The following FGF13 variants were observed in gnomAD, a reference collection of about 807,000 sequenced individuals.
FGF13 encodes the protein fibroblast growth factor 13.
A neutral mutation model predicts 19.5 loss-of-function variants in FGF13; 2 were observed. The observed-to-expected ratio is 0.10, with a 90% CI of 0.04 to 0.32. The LOEUF (loss-of-function observed/expected upper bound fraction) is 0.32, where lower values mean the gene tolerates loss of function less well. Ranked by LOEUF, FGF13 falls within the 10% of genes least tolerant of loss-of-function variation. FGF13 has a pLI of 1.00. For missense variants in FGF13, 113 were observed against 192.7 expected (o/e 0.59, Z 2.45); for synonymous variants, 72 against 76.9 (o/e 0.94, Z 0.33).
chrX:138,790,065 A>C (rs1420057189), intron 3 of FGF13, among the ~76,000 whole-genome samples: 2 of 96,198 alleles, frequency 2.1e-5, no homozygotes, highest in African/African-American at 3.8e-5. Context: ...AAAAAAAAAA[A>C]AAAAACAAAC....
chrX:138,903,117 C>T (rs2091540448), intron 1 of FGF13, among the ~76,000 whole-genome samples: 2 of 111,762 alleles, frequency 1.8e-5, no homozygotes, highest in African/African-American at 6.5e-5. Flanking sequence ...TTTCTAAATT[C>T]CCATTACTGA....
chrX:138,955,777 A>G (rs910214780), intron 1 of FGF13, among the ~76,000 whole-genome samples: 2 of 112,170 alleles, frequency 1.8e-5, no homozygotes, highest in African/African-American at 6.5e-5. Flanking sequence ...ACCCAAAGAA[A>G]CATCAGTCTT....
intron 1 of FGF13, among the ~76,000 whole-genome samples, chrX:139,164,621 C>T (rs1204227347): frequency 9.1e-6 from 1 of 109,621 alleles, no homozygotes; most frequent in Non-Finnish European, 1.9e-5. Flanking sequence ...GCCCAGGAGG[C>T]TGAGGCTGCA....
intron 3 of FGF13, among the ~76,000 whole-genome samples, chrX:138,849,408 A>T (rs746951233): frequency 1.2e-4 from 14 of 112,336 alleles, no homozygotes; most frequent in Non-Finnish European, 2.3e-4. Flanking sequence ...TGATCTGATA[A>T]CTATGTAAGA....
chrX:138,933,187 G>T (rs890252379), intron 1 of FGF13, among the ~76,000 whole-genome samples: 2 of 111,891 alleles, frequency 1.8e-5, no homozygotes, highest in African/African-American at 6.5e-5. Flanking sequence ...AGTCTGTGAG[G>T]TTACTGAGGG....
At chrX:138,992,970 T>G (rs2092024007) in intron 1 of FGF13, among the ~76,000 whole-genome samples, 1 of 112,177 alleles carries the variant, frequency 8.9e-6, no homozygotes, top group East Asian at 2.8e-4. Context: ...AGAGAAATTA[T>G]GTACCTCTTG....
chrX:138,949,813 G>C (rs984439858), intron 1 of FGF13, among the ~76,000 whole-genome samples: 3 of 111,786 alleles, frequency 2.7e-5, no homozygotes, highest in Non-Finnish European at 5.6e-5. Context: ...TATATAATCA[G>C]GTTGAGACCA....
chrX:139,147,214 TA>T (rs769426403), intron 1 of FGF13, among the ~76,000 whole-genome samples: 213 of 95,094 alleles, frequency 2.2e-3, no homozygotes, highest in Admixed American at 2.6e-3. Flanking sequence ...AAAAACAAGT[TA>T]AAAAAAAAAA....
chrX:138,693,990 T>G (rs1294072031), intron 3 of FGF13, among the ~76,000 whole-genome samples: 4 of 112,271 alleles, frequency 3.6e-5, no homozygotes, highest in Non-Finnish European at 7.5e-5. Context: ...TACCATCTAA[T>G]ATAATTCAAA....
chrX:139,182,245 T>C (rs903347522), intron 1 of FGF13, among the ~76,000 whole-genome samples: 12 of 111,799 alleles, frequency 1.1e-4, no homozygotes, highest in Non-Finnish European at 1.9e-5. Flanking sequence ...TATTCTCTCT[T>C]TACTATGAGA....
At chrX:138,655,174 T>C (rs1327509147) in intron 3 of FGF13, among the ~76,000 whole-genome samples, 1 of 112,215 alleles carries the variant, frequency 8.9e-6, no homozygotes, top group Non-Finnish European at 1.9e-5. Context: ...AAACTGTTGC[T>C]CTGCAACAGT....
chrX:138,995,937 A>T (rs1296771602), intron 1 of FGF13, among the ~76,000 whole-genome samples: 1 of 111,350 alleles, frequency 9.0e-6, no homozygotes, highest in Non-Finnish European at 1.9e-5. Context: ...TATTTAAACC[A>T]CCCCTAGTTA....
chrX:138,653,454 T>A (rs1210210550), intron 3 of FGF13, among the ~76,000 whole-genome samples: 4 of 111,824 alleles, frequency 3.6e-5, no homozygotes, highest in African/African-American at 1.3e-4. Context: ...AAAAGTTAAA[T>A]TTTTAATTAA....
intron 1 of FGF13, among the ~76,000 whole-genome samples, chrX:138,961,086 A>T (rs1315031756): frequency 9.0e-6 from 1 of 110,700 alleles, no homozygotes; most frequent in Admixed American, 9.6e-5. Flanking sequence ...GGATGAGAAG[A>T]GGTGCTCGGT....
At chrX:138,800,629 A>C (rs147138398) in intron 3 of FGF13, among the ~76,000 whole-genome samples, 9 of 111,636 alleles carry the variant, frequency 8.1e-5, no homozygotes, top group Admixed American at 1.9e-4. Context: ...CTGTCTTGCT[A>C]TGTTGGGGAA....
chrX:138,650,056 C>A (rs1250154197), intron 3 of FGF13, among the ~76,000 whole-genome samples: 1 of 112,195 alleles, frequency 8.9e-6, no homozygotes, highest in African/African-American at 3.2e-5. Context: ...CATGTGCCTT[C>A]TCTAGACAGT....
chrX:138,772,722 T>C, intron 3 of FGF13, among the ~76,000 whole-genome samples: 1 of 111,381 alleles, frequency 9.0e-6, no homozygotes, highest in Non-Finnish European at 1.9e-5. Context: ...TCACCATGGT[T>C]TAGGCCAAGC....
chrX:139,012,324 C>T (rs765572878), intron 1 of FGF13, among the ~76,000 whole-genome samples: 6 of 111,176 alleles, frequency 5.4e-5, no homozygotes, highest in Non-Finnish European at 9.5e-5. Flanking sequence ...CGTCATTCTT[C>T]ACAGAACTAG....
chrX:138,882,585 A>T (rs1048662640), intron 1 of FGF13, among the ~76,000 whole-genome samples: 5 of 111,930 alleles, frequency 4.5e-5, no homozygotes, highest in Non-Finnish European at 9.4e-5. Context: ...ACATCAAGGG[A>T]AGCATGGTTT....
Sources: gnomAD v4.1 joint callset for allele counts (sites outside exome capture counted in the v4.1 genomes callset) on GRCh38, gnomAD v4.1.1 for gene constraint, MANE v1.5 for transcripts, NCBI Gene and HGNC (gene_info 2026-07-23, HGNC 2026-07-21) for gene names.